Variants in ATP2B1 observed in about 807,000 individuals in gnomAD.
The protein encoded by ATP2B1 is plasma membrane calcium-transporting ATPase 1.
ATP2B1 carries 14 observed loss-of-function variants against 124.2 expected under a neutral mutation model. The observed-to-expected ratio is 0.11, with a 90% confidence interval of 0.07 to 0.18. The LOEUF is 0.18. Ranked by LOEUF, ATP2B1 falls within the 10% of genes least tolerant of loss-of-function variation. The pLI, the probability that ATP2B1 is intolerant of heterozygous loss-of-function variation, is 1.00. For missense variants in ATP2B1, 763 were observed against 1,466.1 expected (o/e 0.52, Z 7.83); for synonymous variants, 449 against 492.4 (o/e 0.91, Z 1.17).
At chr12:89,703,575 A>G (rs1469800436) in intron 1 of ATP2B1, among the ~76,000 whole-genome samples, 4 of 152,164 alleles carry the variant, frequency 2.6e-5, no homozygotes, top group Non-Finnish European at 5.9e-5. Context: ...AGGATACAGC[A>G]TGCATTATTT....
In ATP2B1 at chr12:89,590,863, G is replaced by T; in HGVS notation, c.*121C>A. Reference sequence around the variant, plus strand: ...AAAAAATAAATCTACATTCGTACAAGTGTGTCTTCTGTTGAAGTCCAAAGA... The same window carrying T: ...AAAAAATAAATCTACATTCGTACAATTGTGTCTTCTGTTGAAGTCCAAAGA... On this transcript the variant is annotated 3_prime_UTR_variant, in exon 21 of 21. Coordinates refer to ENST00000428670, the MANE Select transcript of ATP2B1 (RefSeq NM_001366521.1). The T allele has an allele frequency of 2.1e-6, 2 of 970,668 alleles. No homozygotes were observed. The highest frequency in any genetic ancestry group is 1.5e-6 in the Non-Finnish European group (1 of 652,878). 60.1% of individuals were successfully genotyped at this position (970,668 alleles called of 1,614,324 possible). A position where few individuals can be genotyped will look rare whatever the true frequency, so the allele number is the denominator to read the frequency against.
At chr12:89,689,597 C>T (rs1187518889) in intron 1 of ATP2B1, among the ~76,000 whole-genome samples, 1 of 152,054 alleles carries the variant, frequency 6.6e-6, no homozygotes, top group Non-Finnish European at 1.5e-5. Context: ...ACTAAATTCC[C>T]AATTTGCAGC....
At chr12:89,684,016 T>C (rs146023061) in intron 1 of ATP2B1, among the ~76,000 whole-genome samples, 84 of 152,160 alleles carry the variant, frequency 5.5e-4, no homozygotes, top group Non-Finnish European at 1.0e-3. Flanking sequence ...ATGAGGACAA[T>C]GTCTACAAGT....
At chr12:89,640,298 C>T (rs890285986) in intron 3 of ATP2B1, among the ~76,000 whole-genome samples, 1 of 152,076 alleles carries the variant, frequency 6.6e-6, no homozygotes, top group Admixed American at 6.5e-5. Context: ...TAATTTAGCT[C>T]AACAGTGACA....
chr12:89,612,463 T>C (rs1565817550), intron 12 of ATP2B1, among the ~76,000 whole-genome samples: 1 of 151,334 alleles, frequency 6.6e-6, no homozygotes, highest in Non-Finnish European at 1.5e-5. Flanking sequence ...AAATGCCTAA[T>C]GAAAGAGCTA....
chr12:89,625,584 CAAAAAAAAA>C (rs10560749), intron 8 of ATP2B1, among the ~76,000 whole-genome samples: 1 of 81,606 alleles, frequency 1.2e-5, no homozygotes, highest in African/African-American at 4.8e-5. Flanking sequence ...GACCCTGTCT[CAAAAAAAAA>C]AAAAAAAAAA....
At chr12:89,652,047 A>G (rs1885325924) in intron 2 of ATP2B1, among the ~76,000 whole-genome samples, 1 of 152,106 alleles carries the variant, frequency 6.6e-6, no homozygotes, top group African/African-American at 2.4e-5. Context: ...GACACCCCCA[A>G]TATTTCTGAT....
chr12:89,662,150 T>C (rs948425472), intron 1 of ATP2B1, among the ~76,000 whole-genome samples: 4 of 151,932 alleles, frequency 2.6e-5, no homozygotes, highest in African/African-American at 9.7e-5. Flanking sequence ...TTTTTTTTTT[T>C]TTAACACGAG....
In ATP2B1 at chr12:89,626,272, A is replaced by G. The variant is rs993631011; in HGVS notation, c.1129+182T>C. Among the ~76,000 whole-genome samples the G allele has an allele frequency of 3.3e-5, 5 of 152,330 alleles. No individual in the cohort carries two copies. The East Asian group carries it at 7.7e-4, about 24-fold the overall frequency. On this transcript the variant is annotated intron_variant, in intron 8 of 20. Coordinates refer to ENST00000428670, the MANE Select transcript of ATP2B1 (RefSeq NM_001366521.1). ...AATCCTAACCCGACCACTTATTAGC[A>G]AATTATAAGTACCTATAGTAACTCA...
At chr12:89,674,350 T>C (rs1366030530) in intron 1 of ATP2B1, among the ~76,000 whole-genome samples, 1 of 151,152 alleles carries the variant, frequency 6.6e-6, no homozygotes, top group Non-Finnish European at 1.5e-5. Flanking sequence ...TTAGAGCCTT[T>C]TAGAATTGGC....
chr12:89,615,153 G>A (rs149058784), intron 12 of ATP2B1, among the ~76,000 whole-genome samples: 1 of 151,682 alleles, frequency 6.6e-6, no homozygotes, highest in African/African-American at 2.4e-5. Context: ...TGCATTTCTC[G>A]TTTTGCTTGG....
intron 15 of ATP2B1, among the ~76,000 whole-genome samples, chr12:89,607,365 T>C (rs1877117124): frequency 6.6e-6 from 1 of 152,202 alleles, no homozygotes; most frequent in African/African-American, 2.4e-5. Flanking sequence ...TCAGCTAAAC[T>C]GGCACCTCTT....
At chr12:89,703,957 T>G (rs1892155209) in intron 1 of ATP2B1, among the ~76,000 whole-genome samples, 1 of 152,182 alleles carries the variant, frequency 6.6e-6, no homozygotes, top group African/African-American at 2.4e-5. Context: ...GAATCTGCAC[T>G]TTCAGTAACT....
At position 89,591,059 on chromosome 12, in the gene ATP2B1, A is replaced by G. The variant is rs1205959647; in HGVS notation, c.3588T>C (p.Leu1196=). Residue 1196 remains leucine (L), a synonymous_variant, in exon 21 of 21, where the codon CTT becomes CTC. Coordinates refer to ENST00000428670, the MANE Select transcript of ATP2B1 (RefSeq NM_001366521.1). ...NNNAVDSGIH[L]TIEMNKSATS... ...TAGCAGACTTGTTCATTTCTATTGT[A>G]AGGTGAATTCCACTGTCAACAGCAT... 13 of 1,613,138 alleles carry G rather than the reference A, an allele frequency of 8.1e-6. No homozygotes were observed. The highest frequency in any genetic ancestry group is 1.1e-5 in the Non-Finnish European group (13 of 1,179,398).
At chr12:89,653,653 A>G (rs1885582720) in intron 2 of ATP2B1, among the ~76,000 whole-genome samples, 2 of 152,306 alleles carry the variant, frequency 1.3e-5, no homozygotes, top group South Asian at 4.1e-4. Flanking sequence ...ATAGCTTCCA[A>G]CATACTGTCA....
intron 11 of ATP2B1, among the ~76,000 whole-genome samples, chr12:89,617,647 C>T (rs1879219588): frequency 6.6e-6 from 1 of 152,020 alleles, no homozygotes; most frequent in Non-Finnish European, 1.5e-5. Flanking sequence ...GTTTGTTTTT[C>T]ATAATGCCTC....
chr12:89,655,923 A>C lies in ATP2B1; in HGVS notation c.-37T>G. The stretch of plus-strand genomic sequence containing the variant: ...TATATCAGAAGGAAAATGTTTCCCA[A>C]AAGAATTTAATTTTCACTTGATGTA... On this transcript the variant is annotated 5_prime_UTR_variant, in exon 2 of 21. Coordinates refer to ENST00000428670, the MANE Select transcript of ATP2B1 (RefSeq NM_001366521.1). 1 of 1,516,318 alleles carries C rather than the reference A, an allele frequency of 6.6e-7. No individual in the cohort carries two copies. The highest frequency in any genetic ancestry group is 8.9e-7 in the Non-Finnish European group (1 of 1,129,796). 93.9% of individuals were successfully genotyped at this position (1,516,318 alleles called of 1,614,324 possible). A position where few individuals can be genotyped will look rare whatever the true frequency, so the allele number is the denominator to read the frequency against.
intron 1 of ATP2B1, among the ~76,000 whole-genome samples, chr12:89,656,526 T>C (rs550251461): frequency 1.1e-4 from 17 of 152,324 alleles, no homozygotes; most frequent in African/African-American, 4.1e-4. Flanking sequence ...AGCTAACAAA[T>C]GGCTGAAATG....
chr12:89,641,721 T>C (rs1169964030), intron 3 of ATP2B1: 1 of 156,658 alleles, frequency 6.4e-6, no homozygotes, highest in African/African-American at 2.4e-5. Flanking sequence ...ATGGTGTACA[T>C]AGCAAAACAC....
Sources: gnomAD v4.1 joint callset for allele counts (sites outside exome capture counted in the v4.1 genomes callset) on GRCh38, gnomAD v4.1.1 for gene constraint, MANE v1.5 for transcripts, NCBI Gene and HGNC (gene_info 2026-07-23, HGNC 2026-07-21) for gene names.